Variants in DNAH14 observed in about 807,000 individuals in gnomAD.
DNAH14 encodes the protein dynein axonemal heavy chain 14.
A neutral mutation model predicts 520.9 loss-of-function variants in DNAH14; 478 were observed. The observed-to-expected ratio is 0.92, with a 90% CI of 0.85 to 0.99. The LOEUF is 0.99. Ranked by LOEUF, DNAH14 falls within the 50% of genes least tolerant of loss-of-function variation. DNAH14 has a pLI of 0.00. For synonymous variants in DNAH14, 1,581 were observed against 1,757.2 expected, an observed-to-expected ratio of 0.90 and a Z score of 2.51; for missense variants, 4,831 against 5,234.5, an observed-to-expected ratio of 0.92 and a Z score of 2.38.
At chr1:225,332,843 A>AT (rs1426941289) in intron 65 of DNAH14, among the ~76,000 whole-genome samples, 1 of 151,582 alleles carries the variant, frequency 6.6e-6, no homozygotes, top group African/African-American at 2.4e-5. Flanking sequence ...AAAAAAAAAA[A>AT]AAAAAAATTA....
chr1:225,293,636 G>A (rs2150019803), intron 55 of DNAH14, among the ~76,000 whole-genome samples: 1 of 152,134 alleles, frequency 6.6e-6, no homozygotes, highest in South Asian at 2.1e-4. Flanking sequence ...GGACACAGAG[G>A]GGAACCATAC....
chr1:225,036,588 T>C (rs1344052148), intron 11 of DNAH14, among the ~76,000 whole-genome samples: 1 of 152,138 alleles, frequency 6.6e-6, no homozygotes, highest in African/African-American at 2.4e-5. Flanking sequence ...CAAGTCTGCT[T>C]TTAGGTTCCC....
Position 225,305,077 on chromosome 1 carries a change from T to G in DNAH14, c.8993T>G (p.Met2998Arg). The change falls in exon 58 of 86, where the codon ATG (methionine) becomes AGG (arginine). Residue 2998 changes from methionine to arginine, a missense_variant. Transcript: ENST00000682510. Reference protein sequence around the residue: ...AHILRAREEEMQTKRDRFHMG... With the variant: ...AHILRAREEERQTKRDRFHMG... ...ATTTTGAGGGCACGAGAGGAAGAGA[T>G]GCAAACAAAGAGGTAAGACTTTGAG... is the stretch of plus-strand genomic sequence containing the variant. 1 of 1,532,776 alleles carries G rather than the reference T, an allele frequency of 6.5e-7. No individual in the cohort carries two copies. The highest frequency in any genetic ancestry group is 8.7e-7 in the Non-Finnish European group (1 of 1,142,898). The allele number at this position is 1,532,776 out of a possible 1,614,324, so 94.9% of individuals were successfully genotyped here.
chr1:225,226,228 G>T (rs530950628), intron 41 of DNAH14, among the ~76,000 whole-genome samples: 1 of 152,266 alleles, frequency 6.6e-6, no homozygotes, highest in East Asian at 1.9e-4. Context: ...GGCTAGGAGG[G>T]ATTGACTTAC....
At chr1:225,087,370 A>G (rs1572971189) in intron 21 of DNAH14, among the ~76,000 whole-genome samples, 1 of 152,236 alleles carries the variant, frequency 6.6e-6, no homozygotes, top group Admixed American at 6.5e-5. Context: ...ATGATCTAAT[A>G]ACCTCTTAAA....
intron 8 of DNAH14, among the ~76,000 whole-genome samples, chr1:224,979,631 C>G (rs971759683): frequency 6.6e-6 from 1 of 152,160 alleles, no homozygotes; most frequent in African/African-American, 2.4e-5. Flanking sequence ...GTGGGGGGCA[C>G]CCAACCTAGT....
intron 8 of DNAH14, among the ~76,000 whole-genome samples, chr1:224,994,439 A>G (rs1189424860): frequency 1.3e-5 from 2 of 151,764 alleles, no homozygotes; most frequent in East Asian, 1.9e-4. Context: ...TTTTTCATCT[A>G]TTTTTATAGT....
chr1:225,364,782 TA>T lies in DNAH14; in HGVS notation c.11988-9del. 1 of 1,505,370 alleles carries T rather than the reference TA, an allele frequency of 6.6e-7. No homozygotes were observed. Among genetic ancestry groups the T allele is most frequent in the South Asian group, 1.3e-5 (1 of 75,248 alleles). 93.3% of individuals were successfully genotyped at this position (1,505,370 alleles called of 1,614,324 possible). A position where few individuals can be genotyped will look rare whatever the true frequency, so the allele number is the denominator to read the frequency against. Reference sequence around the variant, plus strand: ...CACATTAAAATATTTATAAATTTTTTATTTTGCAGTTTTAATAGTCCAAACG... The same window carrying T: ...CACATTAAAATATTTATAAATTTTTTTTTTGCAGTTTTAATAGTCCAAACG... On this transcript the variant is annotated splice_polypyrimidine_tract_variant and intron_variant, in intron 75 of 85. Transcript: ENST00000682510.
intron 23 of DNAH14, among the ~76,000 whole-genome samples, chr1:225,117,369 A>T (rs74396895): frequency 0.053 from 8,023 of 150,324 alleles, 469 homozygotes; most frequent in African/African-American, 0.15. Context: ...TAATAATAAT[A>T]ATTATTATTA....
In DNAH14 at chr1:225,324,759, A is replaced by T; in HGVS notation, c.9650A>T (p.Gln3217Leu). ...AAGGTTGTGGGCCCTAAACAAATCC[A>T]AGTAGCTGAAGCTCAAAACGTCCTT... ...VQKVVGPKQIQVAEAQNVLKI... is the reference protein window; with the variant it reads ...VQKVVGPKQILVAEAQNVLKI... The change falls in exon 64 of 86, where the codon CAA becomes CTA. Residue 3217 changes from glutamine (Q) to leucine (L), a missense_variant. Physicochemically the swap from Gln to Leu is moderately radical, Grantham distance 113 (BLOSUM62 -2). Transcript: ENST00000682510. 5 of 1,551,550 alleles carry T rather than the reference A, an allele frequency of 3.2e-6. No individual in the cohort carries two copies. Among genetic ancestry groups the T allele is most frequent in the Non-Finnish European group, 4.4e-6 (5 of 1,146,916 alleles).
intron 35 of DNAH14, among the ~76,000 whole-genome samples, chr1:225,161,236 A>G (rs1172748941): frequency 6.6e-6 from 1 of 151,954 alleles, no homozygotes; most frequent in Non-Finnish European, 1.5e-5. Flanking sequence ...AATTGTTTTT[A>G]TGTTTAGGTT....
chr1:225,274,304 A>C (rs1256999052), intron 52 of DNAH14, among the ~76,000 whole-genome samples: 2 of 143,690 alleles, frequency 1.4e-5, no homozygotes, highest in African/African-American at 2.6e-5. Context: ...TTCCGGGTTC[A>C]CGCCATTCTC....
At chr1:225,294,869 T>A (rs2093972891) in intron 55 of DNAH14, among the ~76,000 whole-genome samples, 1 of 151,710 alleles carries the variant, frequency 6.6e-6, no homozygotes, top group Non-Finnish European at 1.5e-5. Flanking sequence ...GGCCATCCAG[T>A]AGTGGATTTT....
Position 225,261,427 on chromosome 1 carries a change from G to A in DNAH14, c.7157+2174G>A, listed in dbSNP as rs190520325. 2.0e-5 allele frequency among the ~76,000 whole-genome samples: 3 copies of A among 152,128 alleles called. No homozygotes were observed. The East Asian group carries it at 5.8e-4, about 29-fold the overall frequency. Reference sequence around the variant, plus strand: ...TTTTTGTCTTTCATTCTGTTAATATGGGATATCACATTTATTGATTTGTGC... The same window carrying A: ...TTTTTGTCTTTCATTCTGTTAATATAGGATATCACATTTATTGATTTGTGC... On this transcript the variant is annotated intron_variant, in intron 46 of 85. Transcript: ENST00000682510.
chr1:225,214,416 G>C (rs557171634), intron 41 of DNAH14, among the ~76,000 whole-genome samples: 1 of 152,190 alleles, frequency 6.6e-6, no homozygotes, highest in Admixed American at 6.5e-5. Context: ...GATGATGCTG[G>C]CCTCATAAAA....
intron 54 of DNAH14, among the ~76,000 whole-genome samples, chr1:225,280,255 G>A (rs1193098023): frequency 6.6e-6 from 1 of 152,102 alleles, no homozygotes; most frequent in Non-Finnish European, 1.5e-5. Flanking sequence ...GAAGGGGGCA[G>A]AAAAGATTTC....
At chr1:224,945,634 G>T (rs558757551) in intron 1 of DNAH14, among the ~76,000 whole-genome samples, 9 of 152,366 alleles carry the variant, frequency 5.9e-5, no homozygotes, top group African/African-American at 1.9e-4. Flanking sequence ...TCTACCTTTG[G>T]TCTTTGATGA....
At chr1:225,235,304 G>A (rs1219646486) in intron 42 of DNAH14, among the ~76,000 whole-genome samples, 2 of 152,132 alleles carry the variant, frequency 1.3e-5, no homozygotes, top group Non-Finnish European at 2.9e-5. Flanking sequence ...ATAATCATGT[G>A]ATTTTTGTCT....
rs1217055772 is a variant in DNAH14, at chr1:225,140,940, T to C, written c.4427T>C (p.Ile1476Thr). Residue 1476 changes from isoleucine (I) to threonine (T), a missense_variant, in exon 28 of 86, where the codon ATC becomes ACC. Coordinates refer to ENST00000682510, the MANE Select transcript of DNAH14 (RefSeq NM_001367479.1). Reference protein sequence around the residue: ...RTKAILGALLILYVHCRDIVI... With the variant: ...RTKAILGALLTLYVHCRDIVI... ...AAAGCTATACTAGGGGCATTGCTTA[T>C]CCTTTATGTTCACTGCAGAGATATA... is the stretch of plus-strand genomic sequence containing the variant. The C allele has an allele frequency of 3.2e-6, 5 of 1,551,356 alleles. No homozygotes were observed. Among genetic ancestry groups the C allele is most frequent in the Admixed American group, 2.0e-5 (1 of 50,982 alleles).
Sources: allele counts gnomAD v4.1 joint callset (sites outside exome capture counted in the v4.1 genomes callset), GRCh38; gene constraint gnomAD v4.1.1; transcripts MANE v1.5; gene names NCBI Gene and HGNC (gene_info 2026-07-23, HGNC 2026-07-21).